Variants in RAB3B observed in about 807,000 individuals in gnomAD.
The protein encoded by RAB3B is RAB3B, member RAS oncogene family.
Under a neutral mutation model 20.5 loss-of-function variants are expected in RAB3B, and 11 were observed. The observed-to-expected ratio is 0.54, with a 90% confidence interval of 0.34 to 0.89. The LOEUF is 0.89. Ranked by LOEUF, RAB3B falls within the 40% of genes least tolerant of loss-of-function variation. The pLI, the probability that RAB3B is intolerant of heterozygous loss-of-function variation, is 0.02. For missense variants in RAB3B, 225 were observed against 280.9 expected (o/e 0.80, Z 1.42); for synonymous variants, 99 against 106.3 (o/e 0.93, Z 0.42).
intron 2 of RAB3B, among the ~76,000 whole-genome samples, chr1:51,941,240 G>A (rs769528374): frequency 6.6e-6 from 1 of 152,236 alleles, no homozygotes; most frequent in East Asian, 1.9e-4. Flanking sequence ...GAACGGTAGG[G>A]GATGGGACAT....
rs1322699681 is a variant in RAB3B at position 51,908,153 on chromosome 1, C to A, written c.*11774G>T. The A allele has an allele frequency of 1.3e-5, 2 of 152,100 alleles. No homozygotes were observed. The highest frequency in any genetic ancestry group is 4.1e-4 in the South Asian group (2 of 4,832). 9.4% of individuals were successfully genotyped at this position (152,100 alleles called of 1,614,324 possible). On this transcript the variant is annotated 3_prime_UTR_variant, in exon 5 of 5. Coordinates refer to ENST00000371655, the MANE Select transcript of RAB3B (RefSeq NM_002867.4). ...TTTATATTTATACAAACTCACAACA[C>A]ATGACATTTCATATTTCATATGCCA...
At chr1:51,968,646 A>G (rs1213701119) in intron 2 of RAB3B, among the ~76,000 whole-genome samples, 1 of 152,174 alleles carries the variant, frequency 6.6e-6, no homozygotes, top group East Asian at 1.9e-4. Context: ...CATTTCAGCT[A>G]TTCTTATATT....
At chr1:51,985,904 C>T (rs567648306) in intron 1 of RAB3B, among the ~76,000 whole-genome samples, 8 of 151,598 alleles carry the variant, frequency 5.3e-5, no homozygotes, top group African/African-American at 1.9e-4. Context: ...TGTCCAAGCT[C>T]ACACAGCAAG....
intron 2 of RAB3B, among the ~76,000 whole-genome samples, chr1:51,946,715 AC>A (rs1406609542): frequency 6.6e-6 from 1 of 152,082 alleles, no homozygotes; most frequent in African/African-American, 2.4e-5. Context: ...TATATATGAG[AC>A]CCATTACATT....
chr1:51,951,147 T>A (rs1371287202), intron 2 of RAB3B, among the ~76,000 whole-genome samples: 1 of 136,314 alleles, frequency 7.3e-6, no homozygotes, highest in Non-Finnish European at 1.6e-5. Flanking sequence ...TTTTTTTTTT[T>A]AACAATTTCA....
chr1:51,970,904 G>A (rs961115949), intron 2 of RAB3B, among the ~76,000 whole-genome samples: 1 of 151,378 alleles, frequency 6.6e-6, no homozygotes, highest in Non-Finnish European at 1.5e-5. Flanking sequence ...CCAGCTACTC[G>A]GGAGACTGAG....
chr1:51,961,802 G>A (rs1427158281), intron 2 of RAB3B, among the ~76,000 whole-genome samples: 2 of 151,694 alleles, frequency 1.3e-5, no homozygotes, highest in African/African-American at 4.8e-5. Flanking sequence ...AGACAGTCTC[G>A]CTCTGTCACC....
At chr1:51,980,902 C>T in intron 1 of RAB3B, 1 of 557,980 alleles carries the variant, frequency 1.8e-6, no homozygotes, top group Non-Finnish European at 3.2e-6. Context: ...AAAAAGCCAT[C>T]TATTTTAATA....
chr1:51,986,517 G>A (rs1685154366), intron 1 of RAB3B, among the ~76,000 whole-genome samples: 1 of 152,066 alleles, frequency 6.6e-6, no homozygotes, highest in South Asian at 2.1e-4. Context: ...GGAGGCTGAG[G>A]CTGGAAAATC....
At chr1:51,950,261 C>T (rs1684620377) in intron 2 of RAB3B, among the ~76,000 whole-genome samples, 2 of 152,248 alleles carry the variant, frequency 1.3e-5, no homozygotes, top group Non-Finnish European at 2.9e-5. Context: ...GGTGGGGTTT[C>T]ATCAGGGACC....
In RAB3B at chr1:51,977,136, G is replaced by A; in HGVS notation, c.1-19C>T. On this transcript the variant is annotated intron_variant, in intron 1 of 4. Coordinates refer to ENST00000371655, the MANE Select transcript of RAB3B (RefSeq NM_002867.4). ...AAGCCATCTGCAAGAGAGACCTAGA[G>A]TCACTCAGGAACAGACCTTCGGTGT... The A allele has an allele frequency of 1.9e-6, 3 of 1,603,100 alleles. No homozygotes were observed. Among genetic ancestry groups the A allele is most frequent in the Non-Finnish European group, 1.7e-6 (2 of 1,170,316 alleles).
intron 1 of RAB3B, among the ~76,000 whole-genome samples, chr1:51,984,493 C>T (rs1382294470): frequency 3.4e-5 from 5 of 147,748 alleles, no homozygotes; most frequent in South Asian, 2.2e-4. Context: ...TGGGTTCAAG[C>T]GATTCTCCTG....
At chr1:51,969,543 A>T (rs1222950379) in intron 2 of RAB3B, among the ~76,000 whole-genome samples, 1 of 152,186 alleles carries the variant, frequency 6.6e-6, no homozygotes, top group Non-Finnish European at 1.5e-5. Context: ...CTGACTCCAG[A>T]GTAAAGTATG....
chr1:51,914,254 GT>G lies in RAB3B; in HGVS notation c.*5672del, dbSNP rs1435929484. The stretch of plus-strand genomic sequence containing the variant: ...ATTTGTATTTGATCAGTCATCAAAG[GT>G]TAGTACTAAAAGGTGAAAGCTTAGT... On this transcript the variant is annotated 3_prime_UTR_variant, in exon 5 of 5. Coordinates refer to ENST00000371655, the MANE Select transcript of RAB3B (RefSeq NM_002867.4). 2 of 152,164 alleles carry G rather than the reference GT, an allele frequency of 1.3e-5. No individual in the cohort carries two copies. Among genetic ancestry groups the G allele is most frequent in the East Asian group, 3.8e-4 (2 of 5,200 alleles). The allele number at this position is 152,164 out of a possible 1,614,324, so 9.4% of individuals were successfully genotyped here.
Position 51,973,842 on chromosome 1 carries a change from C to T in RAB3B, c.228+3048G>A, listed in dbSNP as rs138813866. 4.9e-3 allele frequency among the ~76,000 whole-genome samples: 742 copies of T among 152,300 alleles called. 13 individuals carry two copies. The South Asian group carries it at 0.058, about 12-fold the overall frequency. ...AACCCCTCAGAAGGGCACAATGCCT[C>T]CTCCTATCTCAAGATTTTTTGAGTG... is the stretch of plus-strand genomic sequence containing the variant. On this transcript the variant is annotated intron_variant, in intron 2 of 4. Transcript: ENST00000371655.
At chr1:51,950,297 C>A (rs970080096) in intron 2 of RAB3B, among the ~76,000 whole-genome samples, 1 of 152,202 alleles carries the variant, frequency 6.6e-6, no homozygotes, top group Non-Finnish European at 1.5e-5. Context: ...AGGCATTTGT[C>A]TGCCTCCTGC....
Position 51,917,591 on chromosome 1 carries a change from C to T in RAB3B, c.*2336G>A, listed in dbSNP as rs1457761938. 6.6e-6 allele frequency: 1 copy of T among 152,170 alleles called. No individual in the cohort carries two copies. The highest frequency in any genetic ancestry group is 2.4e-5 in the African/African-American group (1 of 41,456). The allele number at this position is 152,170 out of a possible 1,614,324, so 9.4% of individuals were successfully genotyped here. A position where few individuals can be genotyped will look rare whatever the true frequency, so the allele number is the denominator to read the frequency against. Reference sequence around the variant, plus strand: ...AGAGAGACAGGGTCTTATTCTTACTCTGTCACCCAGACTGGAATGCAGTGG... The same window carrying T: ...AGAGAGACAGGGTCTTATTCTTACTTTGTCACCCAGACTGGAATGCAGTGG... On this transcript the variant is annotated 3_prime_UTR_variant, in exon 5 of 5. Coordinates refer to ENST00000371655, the MANE Select transcript of RAB3B (RefSeq NM_002867.4).
At chr1:51,981,233 G>A (rs1685084093) in intron 1 of RAB3B, among the ~76,000 whole-genome samples, 1 of 152,124 alleles carries the variant, frequency 6.6e-6, no homozygotes, top group Non-Finnish European at 1.5e-5. Flanking sequence ...GTTTCACCAT[G>A]CTGTCCAGGC....
intron 2 of RAB3B, among the ~76,000 whole-genome samples, chr1:51,940,834 C>T (rs1245627934): frequency 6.6e-6 from 1 of 151,984 alleles, no homozygotes; most frequent in Non-Finnish European, 1.5e-5. Context: ...GGGTGCTCTG[C>T]TTTTTGTCAT....
Sources: allele counts gnomAD v4.1 joint callset (sites outside exome capture counted in the v4.1 genomes callset), GRCh38; gene constraint gnomAD v4.1.1; transcripts MANE v1.5; gene names NCBI Gene and HGNC (gene_info 2026-07-23, HGNC 2026-07-21).